DPYD: variants seen among roughly 807,000 people sequenced by gnomAD.
DPYD encodes dihydropyrimidine dehydrogenase [NADP(+)].
A neutral mutation model predicts 116.2 loss-of-function variants in DPYD; 109 were observed. The ratio of observed to expected loss-of-function variants is 0.94; its 90% CI spans 0.80 to 1.10. The LOEUF (loss-of-function observed/expected upper bound fraction) is 1.10. Among genes scored for constraint, DPYD ranks in the 50% least tolerant of loss-of-function variants. The pLI is 0.00. For missense variants in DPYD, 1,302 were observed against 1,254.5 expected, an observed-to-expected ratio of 1.04 and a Z score of -0.57; for synonymous variants, 440 against 432.0, an observed-to-expected ratio of 1.02 and a Z score of -0.23.
At chr1:97,837,795 CT>C (rs1200405989) in intron 2 of DPYD, among the ~76,000 whole-genome samples, 3 of 152,086 alleles carry the variant, frequency 2.0e-5, no homozygotes, top group Admixed American at 2.0e-4. Flanking sequence ...GTGATAATGA[CT>C]TTTTAAAAAT....
At chr1:97,475,923 C>G (rs111718354) in intron 13 of DPYD, among the ~76,000 whole-genome samples, 1 of 152,140 alleles carries the variant, frequency 6.6e-6, no homozygotes, top group African/African-American at 2.4e-5. Flanking sequence ...CACTGGATAC[C>G]TATACATTGT....
chr1:97,690,303 C>A (rs1360016508), intron 7 of DPYD, among the ~76,000 whole-genome samples: 1 of 151,896 alleles, frequency 6.6e-6, no homozygotes. Flanking sequence ...ACTACTGCAC[C>A]TTGATGAGTT....
intron 3 of DPYD, among the ~76,000 whole-genome samples, chr1:97,771,225 G>A (rs1393487035): frequency 6.6e-6 from 1 of 152,092 alleles, no homozygotes; most frequent in Non-Finnish European, 1.5e-5. Flanking sequence ...GCAGTGAGCC[G>A]CACTCCAGTC....
intron 10 of DPYD, among the ~76,000 whole-genome samples, chr1:97,578,243 T>A (rs1433008563): frequency 6.6e-6 from 1 of 152,108 alleles, no homozygotes; most frequent in Non-Finnish European, 1.5e-5. Flanking sequence ...ATTCACTTAA[T>A]CTTCACACAG....
chr1:97,412,932 G>A lies in DPYD; in HGVS notation c.1906-30471C>T, dbSNP rs567940516. On this transcript the variant is annotated intron_variant, in intron 14 of 22. Coordinates refer to ENST00000370192, the MANE Select transcript of DPYD (RefSeq NM_000110.4). ...GTCATCATAGTAGAATGCCATAAAA[G>A]CCTGTGATGAGGATTTTAGTCTCAG... Among the ~76,000 whole-genome samples the A allele has an allele frequency of 2.0e-5, 3 of 152,202 alleles. No homozygotes were observed. In the East Asian group the frequency reaches 5.8e-4, roughly 29 times the overall value.
intron 11 of DPYD, among the ~76,000 whole-genome samples, chr1:97,570,805 C>T (rs1000119591): frequency 6.6e-6 from 1 of 151,786 alleles, no homozygotes; most frequent in Non-Finnish European, 1.5e-5. Flanking sequence ...TCTGCCTCCA[C>T]CCTAGTCTAT....
intron 13 of DPYD, among the ~76,000 whole-genome samples, chr1:97,450,558 C>T (rs1344042280): frequency 6.6e-6 from 1 of 151,802 alleles, no homozygotes; most frequent in Non-Finnish European, 1.5e-5. Context: ...AGGTAAAATG[C>T]AAAAGTTTAT....
chr1:97,175,255 T>C (rs1013236038), intron 20 of DPYD, among the ~76,000 whole-genome samples: 5 of 149,570 alleles, frequency 3.3e-5, no homozygotes, highest in African/African-American at 7.7e-5. Context: ...TAATATCTCA[T>C]TGTAGTGTTC....
intron 2 of DPYD, among the ~76,000 whole-genome samples, chr1:97,836,633 T>C (rs1194642019): frequency 6.6e-6 from 1 of 152,066 alleles, no homozygotes; most frequent in Non-Finnish European, 1.5e-5. Context: ...GCTACCTCAA[T>C]TCTCTGATTG....
At chr1:97,578,433 T>G (rs954644169) in intron 10 of DPYD, among the ~76,000 whole-genome samples, 7 of 152,078 alleles carry the variant, frequency 4.6e-5, no homozygotes, top group Admixed American at 6.5e-5. Flanking sequence ...GCATACAGCC[T>G]TAGGCACACT....
chr1:97,106,802 C>A (rs965318160), intron 20 of DPYD, among the ~76,000 whole-genome samples: 2 of 152,094 alleles, frequency 1.3e-5, no homozygotes, highest in African/African-American at 4.8e-5. Context: ...TGAGCCAATT[C>A]CCATATTAAA....
intron 8 of DPYD, among the ~76,000 whole-genome samples, chr1:97,600,447 T>G (rs1655178678): frequency 6.6e-6 from 1 of 152,214 alleles, no homozygotes; most frequent in Non-Finnish European, 1.5e-5. Flanking sequence ...AACTTTTGTC[T>G]TTATTTTTGT....
At chr1:97,578,530 G>T (rs1181431309) in intron 10 of DPYD, among the ~76,000 whole-genome samples, 1 of 152,112 alleles carries the variant, frequency 6.6e-6, no homozygotes, top group African/African-American at 2.4e-5. Context: ...GCTCAGAGAA[G>T]CCAAAAATAC....
chr1:97,221,763 A>G (rs1376480729), intron 19 of DPYD, among the ~76,000 whole-genome samples: 1 of 152,094 alleles, frequency 6.6e-6, no homozygotes, highest in Non-Finnish European at 1.5e-5. Flanking sequence ...TAAACTGGTA[A>G]TTAAAATCAA....
At chr1:97,733,836 A>C (rs1663768349) in intron 4 of DPYD, among the ~76,000 whole-genome samples, 1 of 152,026 alleles carries the variant, frequency 6.6e-6, no homozygotes, top group Non-Finnish European at 1.5e-5. Context: ...TTTCAACTTC[A>C]ACAATTTGAT....
chr1:97,699,421 A>T lies in DPYD; in HGVS notation c.610T>A (p.Ser204Thr). The T allele has an allele frequency of 6.2e-7, 1 of 1,613,742 alleles. No individual in the cohort carries two copies. ...GAGTACCCCAATCGAGCCAAAAAGG[A>T]AGCACAACTTATACTTGCAGGCCCA... ...GAGPASISCA[S>T]FLARLGYSDI... Residue 204 changes from serine to threonine, a missense_variant, in exon 6 of 23, where the codon TCC (serine) becomes ACC (threonine). Physicochemically the swap from Ser to Thr is moderately conservative, Grantham distance 58. Coordinates refer to ENST00000370192, the MANE Select transcript of DPYD (RefSeq NM_000110.4).
chr1:97,445,122 T>C (rs1676004602), intron 14 of DPYD, among the ~76,000 whole-genome samples: 1 of 152,138 alleles, frequency 6.6e-6, no homozygotes, highest in Admixed American at 6.5e-5. Context: ...TAAAAACAAT[T>C]ATAGCTCACT....
intron 20 of DPYD, among the ~76,000 whole-genome samples, chr1:97,158,290 CA>C (rs570505906): frequency 6.6e-6 from 1 of 151,728 alleles, no homozygotes; most frequent in East Asian, 1.9e-4. Context: ...AAAACAACAG[CA>C]AAAAACATTT....
chr1:97,244,664 C>CAT (rs1662593124), intron 18 of DPYD, among the ~76,000 whole-genome samples: 1 of 151,988 alleles, frequency 6.6e-6, no homozygotes, highest in African/African-American at 2.4e-5. Context: ...GAACTATAAT[C>CAT]ATATATATCT....
Sources: gnomAD v4.1 joint callset for allele counts (sites outside exome capture counted in the v4.1 genomes callset) on GRCh38, gnomAD v4.1.1 for gene constraint, MANE v1.5 for transcripts, NCBI Gene and HGNC (gene_info 2026-07-23, HGNC 2026-07-21) for gene names.